Variants in CSMD3 observed in about 807,000 individuals in gnomAD.
CSMD3 encodes CUB and sushi domain-containing protein 3.
A neutral mutation model predicts 435.2 loss-of-function variants in CSMD3; 177 were observed. The ratio of observed to expected loss-of-function variants is 0.41; its 90% CI spans 0.36 to 0.46. CSMD3 has a LOEUF of 0.46. Among genes scored for constraint, CSMD3 ranks in the 20% least tolerant of loss-of-function variants. The pLI is 0.34. For missense variants in CSMD3, 4,265 were observed against 4,504.6 expected (o/e 0.95, Z 1.52); for synonymous variants, 1,656 against 1,520.5 (o/e 1.09, Z -2.07).
intron 7 of CSMD3, among the ~76,000 whole-genome samples, chr8:112,974,769 T>C (rs1411172112): frequency 6.6e-6 from 1 of 151,858 alleles, no homozygotes; most frequent in Admixed American, 6.6e-5. Flanking sequence ...TATTTTTGTA[T>C]TATTTTTAAT....
intron 7 of CSMD3, among the ~76,000 whole-genome samples, chr8:112,961,599 T>C (rs1330298586): frequency 6.6e-6 from 1 of 151,912 alleles, no homozygotes; most frequent in African/African-American, 2.4e-5. Context: ...CTTGGAAAAC[T>C]GAACAGAGTG....
At chr8:113,031,498 T>C (rs1374586964) in intron 5 of CSMD3, among the ~76,000 whole-genome samples, 3 of 151,450 alleles carry the variant, frequency 2.0e-5, no homozygotes, top group African/African-American at 7.3e-5. Flanking sequence ...TAGTGGTCAG[T>C]AGGTGTTATG....
chr8:113,428,679 C>T (rs1010192409), intron 1 of CSMD3, among the ~76,000 whole-genome samples: 9 of 151,810 alleles, frequency 5.9e-5, no homozygotes, highest in Admixed American at 3.3e-4. Flanking sequence ...AATTTTATCC[C>T]GGTACCATTT....
intron 23 of CSMD3, among the ~76,000 whole-genome samples, chr8:112,577,218 A>C (rs1396392310): frequency 6.6e-6 from 1 of 152,132 alleles, no homozygotes; most frequent in Non-Finnish European, 1.5e-5. Context: ...TTAACTCATA[A>C]ATAAAATCCT....
At chr8:113,091,251 A>T (rs2089992170) in intron 5 of CSMD3, among the ~76,000 whole-genome samples, 1 of 152,112 alleles carries the variant, frequency 6.6e-6, no homozygotes, top group Non-Finnish European at 1.5e-5. Context: ...GAAAGTATTT[A>T]TTAAAGTAGA....
chr8:112,342,092 A>G (rs1005205231), intron 41 of CSMD3, among the ~76,000 whole-genome samples: 8 of 152,124 alleles, frequency 5.3e-5, no homozygotes, highest in African/African-American at 1.9e-4. Flanking sequence ...CAAATTTGTA[A>G]TATAGATTTG....
At chr8:112,741,795 A>C (rs1347950769) in intron 13 of CSMD3, among the ~76,000 whole-genome samples, 1 of 9,082 alleles carries the variant, frequency 1.1e-4, no homozygotes, top group Admixed American at 5.1e-4. Flanking sequence ...GATAGAGAGA[A>C]GATAGATAGA....
Position 113,184,729 on chromosome 8 carries a change from G to A in CSMD3, c.515-10813C>T, listed in dbSNP as rs183294493. ...TGAGGCCACTCAGGTGCAGGCTTTC[G>A]TTCAATCTTATCAGCTTCCGAAAGC... On this transcript the variant is annotated intron_variant, in intron 3 of 70. Transcript: ENST00000297405. Among the ~76,000 whole-genome samples the A allele has an allele frequency of 1.7e-3, 263 of 152,020 alleles. 4 individuals carry two copies. The highest frequency in any genetic ancestry group is 5.1e-3 in the Admixed American group (77 of 15,182).
At position 112,859,253 on chromosome 8, in the gene CSMD3, G is replaced by A. The variant is rs757276964; in HGVS notation, c.1647C>T (p.Gly549=). Residue 549 remains glycine, a synonymous_variant, in exon 11 of 71, where the codon GGC becomes GGT. Transcript: ENST00000297405. ...TACCACTTGGTCCTTGAAGATTAGA[G>A]CCACACGTTTTCACTAAAAGAGAAA... is the stretch of plus-strand genomic sequence containing the variant. ...HRPVCKVKTC[G]SNLQGPSGTF... 3 of 1,610,960 alleles carry A rather than the reference G, an allele frequency of 1.9e-6. No individual in the cohort carries two copies. Among genetic ancestry groups the A allele is most frequent in the Non-Finnish European group, 2.5e-6 (3 of 1,177,616 alleles).
chr8:112,835,731 G>C (rs2080004291), intron 11 of CSMD3, among the ~76,000 whole-genome samples: 1 of 151,906 alleles, frequency 6.6e-6, no homozygotes, highest in African/African-American at 2.4e-5. Flanking sequence ...AACAGTGGTT[G>C]TAATATGTAG....
chr8:113,192,021 A>T (rs2092593506), intron 3 of CSMD3, among the ~76,000 whole-genome samples: 1 of 151,490 alleles, frequency 6.6e-6, no homozygotes, highest in Admixed American at 6.6e-5. Flanking sequence ...GCATTTTTTC[A>T]TGTTTGTTTG....
At position 113,207,016 on chromosome 8, in the gene CSMD3, G is replaced by A. The variant is rs1054354066; in HGVS notation, c.515-33100C>T. On this transcript the variant is annotated intron_variant, in intron 3 of 70. Transcript: ENST00000297405. ...GGGCACGGTAAAAATGCAGGCTACT[G>A]TGTTCTCCAAACAGATATACTAACT... Among the ~76,000 whole-genome samples the A allele has an allele frequency of 2.0e-5, 3 of 152,152 alleles. No homozygotes were observed. In the South Asian group the frequency reaches 6.2e-4, roughly 32 times the overall value.
At chr8:113,367,739 A>G (rs2133034323) in intron 1 of CSMD3, among the ~76,000 whole-genome samples, 1 of 152,140 alleles carries the variant, frequency 6.6e-6, no homozygotes, top group East Asian at 1.9e-4. Context: ...TGTTTGGAAC[A>G]GTCTAATCTC....
intron 13 of CSMD3, among the ~76,000 whole-genome samples, chr8:112,706,502 T>C (rs1587023465): frequency 6.6e-6 from 1 of 152,030 alleles, no homozygotes; most frequent in African/African-American, 2.4e-5. Flanking sequence ...TGTGTGTGTA[T>C]TGGGGGTGAT....
At chr8:112,488,413 G>T (rs1820350197) in intron 31 of CSMD3, among the ~76,000 whole-genome samples, 1 of 152,186 alleles carries the variant, frequency 6.6e-6, no homozygotes, top group Admixed American at 6.5e-5. Flanking sequence ...GCGAAATGTA[G>T]TTGTGTTCTA....
intron 3 of CSMD3, among the ~76,000 whole-genome samples, chr8:113,179,700 A>C (rs1224544229): frequency 2.0e-5 from 3 of 151,858 alleles, no homozygotes; most frequent in African/African-American, 7.2e-5. Flanking sequence ...AAGGAAAATA[A>C]GTAAGTTTAA....
In CSMD3 at chr8:112,672,936, G is replaced by C. The variant is rs149429911; in HGVS notation, c.2678-6521C>G. Among the ~76,000 whole-genome samples the C allele has an allele frequency of 1.9e-3, 285 of 152,148 alleles. 5 individuals carry two copies. The Middle Eastern group carries it at 0.048, about 25-fold the overall frequency. On this transcript the variant is annotated intron_variant, in intron 16 of 70. Coordinates refer to ENST00000297405, the MANE Select transcript of CSMD3 (RefSeq NM_198123.2). ...TGAATAAAAATGCTAAGGAGTGCTG[G>C]TACTCCACAGCAGGAGATGCTCTTC...
At chr8:112,759,367 T>G (rs1451936029) in intron 13 of CSMD3, among the ~76,000 whole-genome samples, 2 of 152,088 alleles carry the variant, frequency 1.3e-5, no homozygotes, top group South Asian at 4.1e-4. Flanking sequence ...GCTTCAAAAA[T>G]TCTCTATTAG....
At chr8:112,644,660 TTA>T (rs1181981636) in intron 20 of CSMD3, among the ~76,000 whole-genome samples, 1 of 152,066 alleles carries the variant, frequency 6.6e-6, no homozygotes, top group Non-Finnish European at 1.5e-5. Flanking sequence ...GGCTATAAAT[TTA>T]TATAGAGAAT....
Sources: allele counts gnomAD v4.1 joint callset (sites outside exome capture counted in the v4.1 genomes callset), GRCh38; gene constraint gnomAD v4.1.1; transcripts MANE v1.5; gene names NCBI Gene and HGNC (gene_info 2026-07-23, HGNC 2026-07-21).